Variants in YPEL1 observed in about 807,000 individuals in gnomAD.
YPEL1 encodes protein yippee-like 1.
In YPEL1, 7 loss-of-function variants were observed where a neutral mutation model predicts 17.3. The ratio of observed to expected loss-of-function variants is 0.40; its 90% CI spans 0.23 to 0.76. The LOEUF (loss-of-function observed/expected upper bound fraction) is 0.76. Among genes scored for constraint, YPEL1 ranks in the 30% least tolerant of loss-of-function variants. The pLI is 0.35. For missense variants in YPEL1, 91 were observed against 155.5 expected, an observed-to-expected ratio of 0.59 and a Z score of 2.21; for synonymous variants, 59 against 59.6, an observed-to-expected ratio of 0.99 and a Z score of 0.05.
At chr22:21,706,151 C>T (rs1569058987) in intron 2 of YPEL1, among the ~76,000 whole-genome samples, 1 of 150,250 alleles carries the variant, frequency 6.7e-6, no homozygotes, top group Non-Finnish European at 1.5e-5. Flanking sequence ...TTAAGAAAGG[C>T]TGGGCGCGGT....
rs562711692 is a variant in YPEL1 at position 21,709,373 on chromosome 22, G to A, written c.117+1255C>T. On this transcript the variant is annotated intron_variant, in intron 2 of 4. Transcript: ENST00000339468. ...AATGAGAGAGCAGAAACTCTGCCTC[G>A]TTCAACAGTTTCTATCTCAGATGAT... Among the ~76,000 whole-genome samples, 11 of 152,292 alleles carry A rather than the reference G, an allele frequency of 7.2e-5. 1 individual carries two copies. Among genetic ancestry groups the A allele is most frequent in the South Asian group, 6.2e-4 (3 of 4,826 alleles).
At chr22:21,708,682 TTA>T (rs1236368484) in intron 2 of YPEL1, among the ~76,000 whole-genome samples, 1 of 132,694 alleles carries the variant, frequency 7.5e-6, no homozygotes, top group Non-Finnish European at 1.6e-5. Context: ...TTTTTTTTTT[TTA>T]AGACAGAGTT....
chr22:21,705,521 TGACCTAACAAA>T (rs1024283443), intron 2 of YPEL1, among the ~76,000 whole-genome samples: 8 of 152,210 alleles, frequency 5.3e-5, no homozygotes, highest in Non-Finnish European at 8.8e-5. Context: ...TTGGGGTTTT[TGACCTAACAAA>T]GGCAAAAGGC....
At chr22:21,713,576 A>AG (rs897397015) in intron 1 of YPEL1, among the ~76,000 whole-genome samples, 1 of 152,210 alleles carries the variant, frequency 6.6e-6, no homozygotes, top group Non-Finnish European at 1.5e-5. Flanking sequence ...AAGAGCTGCC[A>AG]GGGGCAGGGG....
At chr22:21,718,283 G>A (rs2068247748) in intron 1 of YPEL1, among the ~76,000 whole-genome samples, 1 of 151,924 alleles carries the variant, frequency 6.6e-6, no homozygotes, top group Non-Finnish European at 1.5e-5. Context: ...CTAACACAAT[G>A]AAACCCCATC....
intron 2 of YPEL1, among the ~76,000 whole-genome samples, chr22:21,705,677 G>A (rs559715377): frequency 3.3e-5 from 5 of 152,280 alleles, no homozygotes; most frequent in African/African-American, 1.2e-4. Flanking sequence ...AAATGTGACA[G>A]GAATGGTCAC....
At chr22:21,725,740 C>G (rs2068329379) in intron 1 of YPEL1, among the ~76,000 whole-genome samples, 1 of 151,858 alleles carries the variant, frequency 6.6e-6, no homozygotes, top group Admixed American at 6.6e-5. Flanking sequence ...CGCCTGTCAT[C>G]CCAGCACTTT....
At chr22:21,724,040 G>A (rs1337631877) in intron 1 of YPEL1, among the ~76,000 whole-genome samples, 1 of 151,922 alleles carries the variant, frequency 6.6e-6, no homozygotes, top group Non-Finnish European at 1.5e-5. Context: ...TCATCTGTAC[G>A]TACCATGTAT....
intron 4 of YPEL1, 73 bp from the exon 5 acceptor site, chr22:21,701,291 ACCC>A: frequency 1.7e-6 from 2 of 1,190,526 alleles, no homozygotes; most frequent in Non-Finnish European, 1.2e-6. Flanking sequence ...TTTGGCAAAA[ACCC>A]CCCCCAAGTC....
intron 1 of YPEL1, among the ~76,000 whole-genome samples, chr22:21,718,332 G>T (rs1192576848): frequency 6.6e-6 from 1 of 151,740 alleles, no homozygotes; most frequent in Non-Finnish European, 1.5e-5. Context: ...GGGCGTGGTG[G>T]TGGGCACCTG....
In YPEL1 at chr22:21,699,427, A is replaced by C. The variant is rs2068041352; in HGVS notation, c.*1702T>G. 1 of 152,362 alleles carries C rather than the reference A, an allele frequency of 6.6e-6. No individual in the cohort carries two copies. Among genetic ancestry groups the C allele is most frequent in the Non-Finnish European group, 1.5e-5 (1 of 68,044 alleles). 9.4% of individuals were successfully genotyped at this position (152,362 alleles called of 1,614,324 possible). A position where few individuals can be genotyped will look rare whatever the true frequency, so the allele number is the denominator to read the frequency against. On this transcript the variant is annotated 3_prime_UTR_variant, in exon 5 of 5. Transcript: ENST00000339468. ...TGGTTTTTGACCTCCATCCTCTGCA[A>C]AGTGGCCTAAACCCTTATGGGGTGC...
At chr22:21,715,198 C>A (rs2148605446) in intron 1 of YPEL1, among the ~76,000 whole-genome samples, 1 of 152,056 alleles carries the variant, frequency 6.6e-6, no homozygotes. Context: ...TGTAACTAGA[C>A]AAAAAAACTA....
intron 1 of YPEL1, among the ~76,000 whole-genome samples, chr22:21,720,152 TG>T (rs1363064012): frequency 7.9e-6 from 1 of 126,196 alleles, no homozygotes; most frequent in Non-Finnish European, 1.6e-5. Flanking sequence ...CACTCTAGCC[TG>T]GGTGACAGAG....
chr22:21,703,720 G>A lies in YPEL1; in HGVS notation c.161+119C>T. 8.8e-6 allele frequency: 10 copies of A among 1,132,430 alleles called. No individual in the cohort carries two copies. Among genetic ancestry groups the A allele is most frequent in the Non-Finnish European group, 1.3e-5 (10 of 795,124 alleles). 70.1% of individuals were successfully genotyped at this position (1,132,430 alleles called of 1,614,324 possible). A position where few individuals can be genotyped will look rare whatever the true frequency, so the allele number is the denominator to read the frequency against. On this transcript the variant is annotated intron_variant, in intron 3 of 4. Coordinates refer to ENST00000339468, the MANE Select transcript of YPEL1 (RefSeq NM_013313.5). This position sits in a 1 kb window ranked among gnomAD's most constrained non-coding sequence, Gnocchi z 6.1. ...TTTCAGAAACTCCCGGCGGGGGGAT[G>A]GTGGGTTCTTTCAGGACCCCTAAAG... is the stretch of plus-strand genomic sequence containing the variant.
chr22:21,717,145 CGGGGGG>C (rs1778321138), intron 1 of YPEL1, among the ~76,000 whole-genome samples: 2 of 68,782 alleles, frequency 2.9e-5, no homozygotes, highest in Non-Finnish European at 6.6e-5. Flanking sequence ...GCTGGGGGGG[CGGGGGG>C]CGGATCACAA....
intron 1 of YPEL1, among the ~76,000 whole-genome samples, chr22:21,718,128 C>CAAAAAAAAAAAACAA (rs2068245456): frequency 7.7e-6 from 1 of 130,472 alleles, no homozygotes; most frequent in Non-Finnish European, 1.6e-5. Flanking sequence ...GACTCTGTCT[C>CAAAAAAAAAAAACAA]AAAAAAAAAA....
chr22:21,713,188 T>G (rs116063504), intron 1 of YPEL1, among the ~76,000 whole-genome samples: 1 of 152,184 alleles, frequency 6.6e-6, no homozygotes, highest in South Asian at 2.1e-4. Flanking sequence ...GGAGGCACTA[T>G]GGGAAACAGT....
intron 2 of YPEL1, among the ~76,000 whole-genome samples, chr22:21,708,595 C>T (rs767984250): frequency 4.0e-5 from 6 of 151,660 alleles, no homozygotes; most frequent in Non-Finnish European, 7.4e-5. Context: ...CCATCTTGGC[C>T]TTCCAAAGTT....
intron 2 of YPEL1, among the ~76,000 whole-genome samples, chr22:21,708,336 T>G (rs1214911501): frequency 1.4e-5 from 2 of 138,902 alleles, no homozygotes; most frequent in Non-Finnish European, 3.1e-5. Context: ...TCTGCCTTTT[T>G]TTTTTTTTTT....
Sources: gnomAD v4.1 joint callset for allele counts (sites outside exome capture counted in the v4.1 genomes callset) on GRCh38, gnomAD v4.1.1 for gene constraint, Gnocchi (gnomAD v3.1) non-coding constraint, MANE v1.5 for transcripts, NCBI Gene and HGNC (gene_info 2026-07-23, HGNC 2026-07-21) for gene names.